ARFGEF1: variants seen among roughly 807,000 people sequenced by gnomAD.
ARFGEF1 encodes ARF guanine nucleotide exchange factor 1.
In ARFGEF1, 42 loss-of-function variants were observed where a neutral mutation model predicts 231.0. The observed-to-expected ratio is 0.18, with a 90% CI of 0.14 to 0.24. The LOEUF is 0.24. ARFGEF1 is among the 10% of genes least tolerant of loss of function. ARFGEF1 has a pLI of 1.00. For missense variants in ARFGEF1, 1,345 were observed against 2,192.0 expected (o/e 0.61, Z 7.72); for synonymous variants, 710 against 732.3 (o/e 0.97, Z 0.49).
In ARFGEF1 at chr8:67,225,051, G is replaced by A; in HGVS notation, c.4078-18C>T. 1.3e-6 allele frequency: 2 copies of A among 1,576,576 alleles called. No individual in the cohort carries two copies. Among genetic ancestry groups the A allele is most frequent in the Non-Finnish European group, 1.7e-6 (2 of 1,164,182 alleles). ...TTGAAAGCCTTCAAGAAAAAAGGTA[G>A]GGTTATTAAAGGCAAAACATAACAC... On this transcript the variant is annotated intron_variant, in intron 28 of 38. Transcript: ENST00000262215.
intron 23 of ARFGEF1, among the ~76,000 whole-genome samples, chr8:67,229,266 G>T (rs1839478624): frequency 6.6e-6 from 1 of 152,006 alleles, no homozygotes; most frequent in Non-Finnish European, 1.5e-5. Flanking sequence ...ATTCAAACCA[G>T]GACAGGGTGA....
At position 67,197,799 on chromosome 8, in the gene ARFGEF1, T is replaced by C. The variant is rs757061174; in HGVS notation, c.*1135A>G. ...ACTTTACATCTGTACCATATACATTTTGTCCATCTGAAAAAATTTTCTACA... is the reference window on the plus strand; with the variant it reads ...ACTTTACATCTGTACCATATACATTCTGTCCATCTGAAAAAATTTTCTACA... On this transcript the variant is annotated 3_prime_UTR_variant, in exon 39 of 39. Coordinates refer to ENST00000262215, the MANE Select transcript of ARFGEF1 (RefSeq NM_006421.5). 3.2e-5 allele frequency: 32 copies of C among 985,918 alleles called. No individual in the cohort carries two copies. The highest frequency in any genetic ancestry group is 3.7e-5 in the Non-Finnish European group (31 of 829,932). 61.1% of individuals were successfully genotyped at this position (985,918 alleles called of 1,614,324 possible). A position where few individuals can be genotyped will look rare whatever the true frequency, so the allele number is the denominator to read the frequency against.
rs780719537 is a variant in ARFGEF1, at chr8:67,291,996, T to C, written c.767A>G (p.His256Arg). ...LRYLPPQTVD[H>R]ISQEHEGDLD... is the part of the protein sequence containing the mutation. ...GTCCCCTTCGTGTTCTTGGGATATA[T>C]GATCAACAGTCTGAGGTGGCAAATA... is the stretch of plus-strand genomic sequence containing the variant. Residue 256 changes from histidine (H) to arginine (R), a missense_variant, in exon 6 of 39, where the codon CAT (histidine) becomes CGT (arginine). By Grantham distance (29) the His-to-Arg change is conservative. Around this residue, in one of 14 missense-constraint regions of ARFGEF1, gnomAD observed 398 missense variants for 463.2 expected, o/e 0.86. Coordinates refer to ENST00000262215, the MANE Select transcript of ARFGEF1 (RefSeq NM_006421.5). 5.0e-6 allele frequency: 8 copies of C among 1,614,018 alleles called. No individual in the cohort carries two copies. Among genetic ancestry groups the C allele is most frequent in the Non-Finnish European group, 5.9e-6 (7 of 1,179,910 alleles).
At chr8:67,255,316 G>A (rs1166697002) in intron 17 of ARFGEF1, among the ~76,000 whole-genome samples, 1 of 152,012 alleles carries the variant, frequency 6.6e-6, no homozygotes, top group Admixed American at 6.6e-5. Context: ...TTTTATCCTC[G>A]TGTGCTTGTA....
chr8:67,317,588 T>G (rs1472966919), intron 1 of ARFGEF1, among the ~76,000 whole-genome samples: 2 of 141,622 alleles, frequency 1.4e-5, no homozygotes, highest in Admixed American at 1.5e-4. Context: ...GGGTTTATTC[T>G]AAAGACACAG....
intron 32 of ARFGEF1, among the ~76,000 whole-genome samples, 177 bp downstream of exon 32, chr8:67,217,605 T>A (rs1838982030): frequency 6.6e-6 from 1 of 152,198 alleles, no homozygotes; most frequent in Admixed American, 6.5e-5. Flanking sequence ...TATGTATTTG[T>A]TATAGTTTAT....
intron 1 of ARFGEF1, among the ~76,000 whole-genome samples, chr8:67,339,867 A>C (rs1177727934): frequency 2.0e-5 from 3 of 148,422 alleles, no homozygotes; most frequent in Admixed American, 6.8e-5. Flanking sequence ...AAATTTGAAA[A>C]ACGTTTTACA....
chr8:67,269,797 G>T (rs1387514206), intron 10 of ARFGEF1, among the ~76,000 whole-genome samples: 3 of 152,078 alleles, frequency 2.0e-5, no homozygotes. Context: ...TAATAATTTT[G>T]TAATGAGAAT....
chr8:67,322,569 C>T (rs973446827), intron 1 of ARFGEF1, among the ~76,000 whole-genome samples: 1 of 152,146 alleles, frequency 6.6e-6, no homozygotes, highest in East Asian at 1.9e-4. Flanking sequence ...GGCATGATGG[C>T]ATGTGACTAT....
At chr8:67,271,148 A>G (rs953439186) in intron 10 of ARFGEF1, among the ~76,000 whole-genome samples, 7 of 151,780 alleles carry the variant, frequency 4.6e-5, no homozygotes, top group Non-Finnish European at 8.8e-5. Flanking sequence ...ACAATATTTT[A>G]GGACCACATG....
chr8:67,299,375 C>A lies in ARFGEF1; in HGVS notation c.313-20G>T. The A allele has an allele frequency of 6.3e-7, 1 of 1,597,526 alleles. No homozygotes were observed. Among genetic ancestry groups the A allele is most frequent in the Admixed American group, 1.8e-5 (1 of 55,464 alleles). Reference sequence around the variant, plus strand: ...AAGTTTCTAAAATGGAGAAAGAAAACAAAGATCCTAAGTAAGGTAACAAAT... The same window carrying A: ...AAGTTTCTAAAATGGAGAAAGAAAAAAAAGATCCTAAGTAAGGTAACAAAT... On this transcript the variant is annotated intron_variant, in intron 3 of 38. Transcript: ENST00000262215.
chr8:67,204,538 G>A, intron 35 of ARFGEF1, 142 bp downstream of exon 35: 1 of 990,914 alleles, frequency 1.0e-6, no homozygotes, highest in South Asian at 2.2e-5. Context: ...ACCTTGTGAT[G>A]GGATCCAGTC....
At position 67,273,419 on chromosome 8, in the gene ARFGEF1, C is replaced by CAA. The variant is rs58580002; in HGVS notation, c.1338-1485_1338-1484dup. On this transcript the variant is annotated intron_variant, in intron 9 of 38. Coordinates refer to ENST00000262215, the MANE Select transcript of ARFGEF1 (RefSeq NM_006421.5). The stretch of plus-strand genomic sequence containing the variant: ...TAGCAGTTGGTTTTTTTTTTTTTCC[C>CAA]AAAAAAAAAAAAAAAAAAAAAAAAA... Among the ~76,000 whole-genome samples the CAA allele has an allele frequency of 3.7e-3, 209 of 56,576 alleles. 3 individuals are homozygous for CAA. Among genetic ancestry groups the CAA allele is most frequent in the East Asian group, 5.8e-3 (10 of 1,720 alleles). The allele number at this position is 56,576 out of a possible 152,430, so 37.1% of individuals were successfully genotyped here. A position where few individuals can be genotyped will look rare whatever the true frequency, so the allele number is the denominator to read the frequency against.
downstream of ARFGEF1, among the ~76,000 whole-genome samples, chr8:67,194,597 A>G (rs993384902): frequency 6.6e-5 from 10 of 152,076 alleles, no homozygotes; most frequent in African/African-American, 1.7e-4. Context: ...TAATGTCTAC[A>G]CTGTTTTTTA....
At chr8:67,227,865 A>T in intron 25 of ARFGEF1, 98 bp downstream of exon 25, 1 of 1,047,670 alleles carries the variant, frequency 9.5e-7, no homozygotes, top group Non-Finnish European at 1.3e-6. Flanking sequence ...AGTAATAAAT[A>T]ATTGCTTGGA....
chr8:67,177,035 C>T lies in ARFGEF1; in HGVS notation c.561-1463G>A, dbSNP rs576461610. Among the ~76,000 whole-genome samples, 64 of 139,302 alleles carry T rather than the reference C, an allele frequency of 4.6e-4. No individual in the cohort carries two copies. The South Asian group carries it at 0.01, about 22-fold the overall frequency. 91.4% of individuals were successfully genotyped at this position (139,302 alleles called of 152,430 possible). A position where few individuals can be genotyped will look rare whatever the true frequency, so the allele number is the denominator to read the frequency against. On this transcript the variant is annotated intron_variant, in intron 5 of 5. Transcript: ENST00000518789. ...GCAGAGAGCCAAGATCGTGCCACTGCACTCCAGCTTGGGCAACAGAGTGAG... is the reference window on the plus strand; with the variant it reads ...GCAGAGAGCCAAGATCGTGCCACTGTACTCCAGCTTGGGCAACAGAGTGAG...
chr8:67,313,428 G>C (rs915834657), intron 1 of ARFGEF1, among the ~76,000 whole-genome samples: 1 of 152,158 alleles, frequency 6.6e-6, no homozygotes, highest in Non-Finnish European at 1.5e-5. Flanking sequence ...CAGAAGAAAG[G>C]TCTAGGGCTG....
intron 1 of ARFGEF1, 146 bp downstream of exon 1, chr8:67,343,018 G>A (rs1032970411): frequency 1.1e-6 from 1 of 949,368 alleles, no homozygotes; most frequent in African/African-American, 1.7e-5. Flanking sequence ...GTCAACTCCA[G>A]ACAGGGAACA....
chr8:67,267,576 C>T lies in ARFGEF1; in HGVS notation c.1573-134G>A, dbSNP rs1587170952. 3 of 589,972 alleles carry T rather than the reference C, an allele frequency of 5.1e-6. No homozygotes were observed. The South Asian group carries it at 7.6e-5, about 15-fold the overall frequency. The allele number at this position is 589,972 out of a possible 1,614,324, so 36.5% of individuals were successfully genotyped here. On this transcript the variant is annotated intron_variant, in intron 10 of 38. Coordinates refer to ENST00000262215, the MANE Select transcript of ARFGEF1 (RefSeq NM_006421.5). ...ATGGAGTTCAACTCCTTTTGAGTTC[C>T]ATCTCTGAATCCTCAGGACTAAAAT...
Sources: allele counts gnomAD v4.1 joint callset (sites outside exome capture counted in the v4.1 genomes callset), GRCh38; gene constraint gnomAD v4.1.1; regional missense constraint gnomAD v4.1.1; transcripts MANE v1.5; gene names NCBI Gene and HGNC (gene_info 2026-07-23, HGNC 2026-07-21).